CAMK2B: variants seen among roughly 807,000 people sequenced by gnomAD.
CAMK2B encodes the protein calcium/calmodulin-dependent protein kinase type II subunit beta.
CAMK2B carries 27 observed loss-of-function variants against 93.7 expected under a neutral mutation model. The ratio of observed to expected loss-of-function variants is 0.29; its 90% confidence interval spans 0.21 to 0.40. The LOEUF (loss-of-function observed/expected upper bound fraction) is 0.40. CAMK2B is among the 10% of genes least tolerant of loss of function. The pLI, the probability that CAMK2B is intolerant of heterozygous loss-of-function variation, is 1.00. For synonymous variants in CAMK2B, 374 were observed against 358.8 expected (o/e 1.04, Z -0.48); for missense variants, 568 against 895.8 (o/e 0.63, Z 4.67).
chr7:44,290,699 C>T (rs1223151285), intron 1 of CAMK2B, among the ~76,000 whole-genome samples: 1 of 152,136 alleles, frequency 6.6e-6, no homozygotes, highest in African/African-American at 2.4e-5. Context: ...CTTGGGAGTG[C>T]CAGAGGGGGA....
chr7:44,239,503 G>A (rs1458073244), intron 13 of CAMK2B, 86 bp downstream of exon 13: 62 of 1,303,404 alleles, frequency 4.8e-5, no homozygotes, highest in South Asian at 4.2e-4. Context: ...TCTGGAGCCC[G>A]GCCAGCGGCT....
At chr7:44,276,585 GT>G (rs1203311419) in intron 2 of CAMK2B, among the ~76,000 whole-genome samples, 2 of 152,156 alleles carry the variant, frequency 1.3e-5, no homozygotes, top group African/African-American at 4.8e-5. Context: ...TGGGCAGGGA[GT>G]GTCCCCCCAA....
intron 13 of CAMK2B, among the ~76,000 whole-genome samples, chr7:44,237,029 C>A (rs2096632229): frequency 2.0e-5 from 3 of 152,242 alleles, no homozygotes; most frequent in Non-Finnish European, 2.9e-5. Flanking sequence ...AAGGCTAGTT[C>A]CACCCCACCC....
chr7:44,290,095 G>A, intron 1 of CAMK2B, among the ~76,000 whole-genome samples: 1 of 152,216 alleles, frequency 6.6e-6, no homozygotes, highest in East Asian at 1.9e-4. Flanking sequence ...AGAATAGGCT[G>A]GAAACGCCCC....
At chr7:44,276,305 G>A (rs186874458) in intron 2 of CAMK2B, among the ~76,000 whole-genome samples, 61 of 152,268 alleles carry the variant, frequency 4.0e-4, no homozygotes, top group African/African-American at 1.3e-3. Flanking sequence ...CCAGTTCCGC[G>A]GATTCTGCCG....
At position 44,241,801 on chromosome 7, in the gene CAMK2B, G is replaced by A. The variant is rs748003798; in HGVS notation, c.820-18C>T. 8 of 1,602,558 alleles carry A rather than the reference G, an allele frequency of 5.0e-6. No homozygotes were observed. Among genetic ancestry groups the A allele is most frequent in the African/African-American group, 1.3e-5 (1 of 74,778 alleles). On this transcript the variant is annotated intron_variant, in intron 10 of 23. Coordinates refer to ENST00000395749, the MANE Select transcript of CAMK2B (RefSeq NM_001220.5). ...GAGCGTTGCTGTGGGGAAATGGGTG[G>A]TCATATGGCAGCCGAGCCCGAGGCA... is the stretch of plus-strand genomic sequence containing the variant.
chr7:44,236,599 C>T (rs1012189929), intron 13 of CAMK2B, among the ~76,000 whole-genome samples: 4 of 152,222 alleles, frequency 2.6e-5, no homozygotes, highest in East Asian at 1.9e-4. Context: ...AACCCTCCCC[C>T]TCGCTGCAGC....
At chr7:44,266,643 C>G (rs1355130604) in intron 2 of CAMK2B, among the ~76,000 whole-genome samples, 1 of 152,232 alleles carries the variant, frequency 6.6e-6, no homozygotes, top group Non-Finnish European at 1.5e-5. Context: ...CCGAGGCCAG[C>G]AGGCCTGTGG....
At chr7:44,262,431 T>C (rs1442347672) in intron 3 of CAMK2B, among the ~76,000 whole-genome samples, 1 of 152,190 alleles carries the variant, frequency 6.6e-6, no homozygotes, top group Non-Finnish European at 1.5e-5. Context: ...CCCCAGACTG[T>C]AGTTCCAGAA....
intron 1 of CAMK2B, among the ~76,000 whole-genome samples, chr7:44,308,025 G>C (rs1584855930): frequency 6.6e-6 from 1 of 152,126 alleles, no homozygotes; most frequent in Non-Finnish European, 1.5e-5. Context: ...TGACCTATAG[G>C]AGCTCTTTCC....
intron 16 of CAMK2B, 105 bp downstream of exon 16, chr7:44,232,699 GGGAGGGGCGGCCAGGGCA>G: frequency 4.9e-6 from 4 of 812,192 alleles, no homozygotes; most frequent in Non-Finnish European, 7.6e-6. Flanking sequence ...CCGTACTGCG[GGGAGGGGCGGCCAGGGCA>G]TGGGACATCT....
At chr7:44,244,307 G>A (rs1487732009) in intron 6 of CAMK2B, among the ~76,000 whole-genome samples, 3 of 152,206 alleles carry the variant, frequency 2.0e-5, no homozygotes, top group Non-Finnish European at 4.4e-5. Flanking sequence ...CGGCCAAGGA[G>A]GCCTGGGGGC....
chr7:44,285,552 G>A (rs990041501), intron 1 of CAMK2B, among the ~76,000 whole-genome samples: 3 of 152,180 alleles, frequency 2.0e-5, no homozygotes, highest in East Asian at 3.9e-4. Context: ...GAAGAGGAGC[G>A]TCTTACATAC....
Position 44,226,609 on chromosome 7 carries a change from T to C in CAMK2B, c.1504A>G (p.Arg502Gly). ...RISDILNSVR[R>G]GSGTPEAEGP... ...TCGGCTTCTGGGGTCCCTGAGCCCC[T>C]CCTCACAGAGTTCAGGATGTCAGAG... is the stretch of plus-strand genomic sequence containing the variant. Residue 502 changes from arginine to glycine, a missense_variant, in exon 20 of 24, where the codon AGG becomes GGG. Physicochemically the swap from Arg to Gly is moderately radical, Grantham distance 125. Around this residue, in one of 4 missense-constraint regions of CAMK2B, gnomAD observed 308 missense variants for 292.1 expected, o/e 1.05. Transcript: ENST00000395749. 2.0e-6 allele frequency: 3 copies of C among 1,524,688 alleles called. No individual in the cohort carries two copies. Among genetic ancestry groups the C allele is most frequent in the Middle Eastern group, 1.9e-4 (1 of 5,402 alleles). The allele number at this position is 1,524,688 out of a possible 1,614,324, so 94.4% of individuals were successfully genotyped here.
At chr7:44,275,572 T>C (rs1238694797) in intron 2 of CAMK2B, among the ~76,000 whole-genome samples, 1 of 152,246 alleles carries the variant, frequency 6.6e-6, no homozygotes, top group African/African-American at 2.4e-5. Context: ...GGACAAAATT[T>C]GTTTTCGGTA....
At chr7:44,249,703 G>A (rs1037495339) in intron 5 of CAMK2B, among the ~76,000 whole-genome samples, 35 of 152,186 alleles carry the variant, frequency 2.3e-4, no homozygotes, top group African/African-American at 7.7e-4. Context: ...ACAGGGACTC[G>A]GCCTGCACCG....
chr7:44,276,605 G>T (rs1355355910), intron 2 of CAMK2B, among the ~76,000 whole-genome samples: 2 of 152,202 alleles, frequency 1.3e-5, no homozygotes, highest in Non-Finnish European at 2.9e-5. Flanking sequence ...AAGACAGAAG[G>T]GTCCCTGGGG....
At chr7:44,279,708 G>A (rs567649082) in intron 2 of CAMK2B, among the ~76,000 whole-genome samples, 1 of 152,350 alleles carries the variant, frequency 6.6e-6, no homozygotes, top group East Asian at 1.9e-4. Context: ...AGGGTCTCCA[G>A]GGCGCAGCCA....
At chr7:44,318,172 A>G (rs1795262153) in intron 1 of CAMK2B, among the ~76,000 whole-genome samples, 1 of 152,200 alleles carries the variant, frequency 6.6e-6, no homozygotes, top group African/African-American at 2.4e-5. Flanking sequence ...ACCTCAACAA[A>G]CAAGAAGTCA....
Sources: allele counts gnomAD v4.1 joint callset (sites outside exome capture counted in the v4.1 genomes callset), GRCh38; gene constraint gnomAD v4.1.1; regional missense constraint gnomAD v4.1.1; transcripts MANE v1.5; gene names NCBI Gene and HGNC (gene_info 2026-07-23, HGNC 2026-07-21).